FAM216A: variants seen among roughly 807,000 people sequenced by gnomAD.
The protein encoded by FAM216A is protein FAM216A.
FAM216A carries 26 observed loss-of-function variants against 37.6 expected under a neutral mutation model. The observed-to-expected ratio is 0.69, with a 90% CI of 0.51 to 0.96. The LOEUF is 0.96. Ranked by LOEUF, FAM216A falls within the 40% of genes least tolerant of loss-of-function variation. The probability of loss-of-function intolerance (pLI) is 0.00; values close to 1 mark genes in which losing one functional copy is unlikely to be tolerated. For missense variants in FAM216A, 326 were observed against 339.3 expected (o/e 0.96, Z 0.31); for synonymous variants, 110 against 121.7 (o/e 0.90, Z 0.64).
At chr12:110,472,570 AG>A (rs2062692657) in intron 1 of FAM216A, among the ~76,000 whole-genome samples, 2 of 152,094 alleles carry the variant, frequency 1.3e-5, no homozygotes, top group African/African-American at 4.8e-5. Context: ...AAAAAAGGAA[AG>A]AAAAAAATCT....
chr12:110,484,891 A>T (rs1418083265), intron 2 of FAM216A, among the ~76,000 whole-genome samples, 187 bp from the exon 3 acceptor site: 1 of 151,972 alleles, frequency 6.6e-6, no homozygotes, highest in Admixed American at 6.6e-5. Context: ...TAGTAGAGAC[A>T]GGGTTTCACC....
At chr12:110,488,042 A>G (rs766375449) in intron 6 of FAM216A, 99 bp downstream of exon 6, 6 of 713,744 alleles carry the variant, frequency 8.4e-6, no homozygotes, top group Non-Finnish European at 1.4e-5. Context: ...ATATTAACAA[A>G]TTTAGAATAT....
intron 1 of FAM216A, among the ~76,000 whole-genome samples, chr12:110,470,234 G>A (rs2062675933): frequency 6.6e-6 from 1 of 151,742 alleles, no homozygotes; most frequent in South Asian, 2.1e-4. Context: ...GAGTAGCTGG[G>A]ATTACAAGCG....
chr12:110,471,683 A>C (rs922203106), intron 1 of FAM216A, among the ~76,000 whole-genome samples: 5 of 152,226 alleles, frequency 3.3e-5, no homozygotes, highest in African/African-American at 1.2e-4. Flanking sequence ...GAGCAAGCGT[A>C]GAATTAAGAA....
chr12:110,477,816 T>C (rs2062723180), intron 2 of FAM216A, among the ~76,000 whole-genome samples: 1 of 152,054 alleles, frequency 6.6e-6, no homozygotes, highest in South Asian at 2.1e-4. Context: ...CATGCCATTC[T>C]CCTGCCTCAG....
In FAM216A at chr12:110,490,059, AAAGG is replaced by A. The variant is rs1479923536; in HGVS notation, c.748_751del (p.Glu250LysfsTer4). The A allele has an allele frequency of 6.4e-7, 1 of 1,551,470 alleles. No homozygotes were observed. ...CTGAATCACACATGAGTGAAGAAAA[AAAGG>A]AAGAAGATTTACTAAATAATTTTAT... On this transcript the variant is annotated frameshift_variant, in exon 7 of 7. Transcript: ENST00000377673. LOFTEE classifies it high-confidence loss of function.
At chr12:110,471,235 C>T (rs1365038771) in intron 1 of FAM216A, among the ~76,000 whole-genome samples, 3 of 151,992 alleles carry the variant, frequency 2.0e-5, no homozygotes, top group Non-Finnish European at 4.4e-5. Flanking sequence ...ACTACAGGCA[C>T]GTGCCACTAC....
chr12:110,486,547 T>G lies in FAM216A; in HGVS notation c.450T>G (p.His150Gln). The change falls in exon 5 of 7, where the codon CAT becomes CAG. Residue 150 changes from histidine (H) to glutamine (Q), a missense_variant. By Grantham distance (24) the His-to-Gln change is conservative. Transcript: ENST00000377673. ...TTTGTATCACAGGTGTCCTCACTCA[T>G]CACAGAAGCCGCCTTAGCTCCCGTT... ...HSSQKPGVLT[H>Q]HRSRLSSRYS... 1 of 1,613,472 alleles carries G rather than the reference T, an allele frequency of 6.2e-7. No homozygotes were observed.
rs2062804242 is a variant in FAM216A at position 110,490,183 on chromosome 12, G to A, written c.*46G>A. 1 of 926,584 alleles carries A rather than the reference G, an allele frequency of 1.1e-6. No homozygotes were observed. The highest frequency in any genetic ancestry group is 1.8e-6 in the Non-Finnish European group (1 of 553,918). The allele number at this position is 926,584 out of a possible 1,614,324, so 57.4% of individuals were successfully genotyped here. ...AATTCGTGCCAAAGGTGAGGGTAAGGGGTTGTGAGTTGTGTCCTGTATGTT... is the reference window on the plus strand; with the variant it reads ...AATTCGTGCCAAAGGTGAGGGTAAGAGGTTGTGAGTTGTGTCCTGTATGTT... On this transcript the variant is annotated 3_prime_UTR_variant, in exon 7 of 7. Coordinates refer to ENST00000377673, the MANE Select transcript of FAM216A (RefSeq NM_013300.3).
chr12:110,481,254 C>T (rs944741175), intron 2 of FAM216A, among the ~76,000 whole-genome samples: 2 of 152,160 alleles, frequency 1.3e-5, no homozygotes, highest in Non-Finnish European at 2.9e-5. Flanking sequence ...GTTTGAGTCC[C>T]TGCTTTCAGT....
chr12:110,490,163 G>A lies in FAM216A; in HGVS notation c.*26G>A, dbSNP rs200432848. The A allele has an allele frequency of 1.1e-4, 122 of 1,123,568 alleles. No individual in the cohort carries two copies. In the Middle Eastern group the frequency reaches 1.4e-3, roughly 13 times the overall value. The allele number at this position is 1,123,568 out of a possible 1,614,324, so 69.6% of individuals were successfully genotyped here. A position where few individuals can be genotyped will look rare whatever the true frequency, so the allele number is the denominator to read the frequency against. On this transcript the variant is annotated 3_prime_UTR_variant, in exon 7 of 7. Transcript: ENST00000377673. ...CAGTCTTGTCTCGTGTATTGAATTC[G>A]TGCCAAAGGTGAGGGTAAGGGGTTG...
At position 110,486,420 on chromosome 12, in the gene FAM216A, C is replaced by T. The variant is rs760886584; in HGVS notation, c.402C>T (p.Tyr134=). The change falls in exon 4 of 7, where the codon TAC becomes TAT. Residue 134 remains tyrosine, a synonymous_variant. Transcript: ENST00000377673. ...NYLKMLMKRQ[Y]MHVLQHSSQK... is the part of the protein sequence containing the mutation. ...TGAAGATGTTAATGAAGAGGCAGTACATGCACGTACTTCAGCACAGCTCAC... is the reference window on the plus strand; with the variant it reads ...TGAAGATGTTAATGAAGAGGCAGTATATGCACGTACTTCAGCACAGCTCAC... The T allele has an allele frequency of 1.9e-6, 3 of 1,613,986 alleles. No homozygotes were observed. In the South Asian group the frequency reaches 3.3e-5, roughly 18 times the overall value.
intron 2 of FAM216A, among the ~76,000 whole-genome samples, 154 bp downstream of exon 2, chr12:110,473,272 T>G (rs2062696815): frequency 6.6e-6 from 1 of 151,956 alleles, no homozygotes. Flanking sequence ...AGTGCAGTAG[T>G]GCGATCTGGG....
At chr12:110,474,691 CAAAAAAAA>C (rs34479591) in intron 2 of FAM216A, among the ~76,000 whole-genome samples, 16 of 44,854 alleles carry the variant, frequency 3.6e-4, no homozygotes, top group African/African-American at 1.3e-3. Flanking sequence ...GACTCTGTCT[CAAAAAAAA>C]AAAAAAAAAA....
In FAM216A at chr12:110,490,041, A is replaced by G; in HGVS notation, c.726A>G (p.Ser242=). The change falls in exon 7 of 7, where the codon TCA becomes TCG. Residue 242 remains serine (S), a synonymous_variant. Coordinates refer to ENST00000377673, the MANE Select transcript of FAM216A (RefSeq NM_013300.3). ...MQTVSSDDSE[S]HMSEEKKEED... ...CAGTTTCTTCAGATGATTCTGAATC[A>G]CACATGAGTGAAGAAAAAAAGGAAG... 1 of 1,489,148 alleles carries G rather than the reference A, an allele frequency of 6.7e-7. No individual in the cohort carries two copies. The highest frequency in any genetic ancestry group is 9.4e-7 in the Non-Finnish European group (1 of 1,067,300). 92.2% of individuals were successfully genotyped at this position (1,489,148 alleles called of 1,614,324 possible).
intron 2 of FAM216A, among the ~76,000 whole-genome samples, chr12:110,473,490 G>T (rs925089709): frequency 6.6e-6 from 1 of 152,162 alleles, no homozygotes; most frequent in African/African-American, 2.4e-5. Flanking sequence ...GGGATTACAG[G>T]CATGAGCCAC....
intron 6 of FAM216A, 137 bp downstream of exon 6, chr12:110,488,080 A>G: frequency 1.6e-6 from 1 of 629,876 alleles, no homozygotes; most frequent in Non-Finnish European, 2.8e-6. Context: ...ACAAATAAAA[A>G]ACCAAACATA....
intron 1 of FAM216A, 122 bp downstream of exon 1, chr12:110,469,140 G>C: frequency 8.7e-7 from 1 of 1,153,114 alleles, no homozygotes; most frequent in Non-Finnish European, 1.1e-6. Context: ...GCTGGCCCCG[G>C]TGCCCTCAAG....
chr12:110,481,414 A>T (rs2062746335), intron 2 of FAM216A, among the ~76,000 whole-genome samples: 1 of 152,094 alleles, frequency 6.6e-6, no homozygotes, highest in African/African-American at 2.4e-5. Flanking sequence ...GCAGTAACTC[A>T]GCTCACTGCA....
Sources: gnomAD v4.1 joint callset for allele counts (sites outside exome capture counted in the v4.1 genomes callset) on GRCh38, gnomAD v4.1.1 for gene constraint, MANE v1.5 for transcripts, NCBI Gene and HGNC (gene_info 2026-07-23, HGNC 2026-07-21) for gene names.